EIF4G3: variants seen among roughly 807,000 people sequenced by gnomAD.
EIF4G3 encodes eIF-4-gamma 3.
EIF4G3 carries 34 observed loss-of-function variants against 186.4 expected under a neutral mutation model. The observed-to-expected ratio is 0.18, with a 90% CI of 0.14 to 0.24. The LOEUF (loss-of-function observed/expected upper bound fraction) is 0.24, where lower values mean the gene tolerates loss of function less well. EIF4G3 is among the 10% of genes least tolerant of loss of function. EIF4G3 has a pLI of 1.00. For synonymous variants in EIF4G3, 673 were observed against 679.5 expected (o/e 0.99, Z 0.15); for missense variants, 1,536 against 1,948.5 (o/e 0.79, Z 3.99).
intron 14 of EIF4G3, among the ~76,000 whole-genome samples, chr1:20,908,151 TGAGC>T: frequency 6.6e-6 from 1 of 152,320 alleles, no homozygotes; most frequent in South Asian, 2.1e-4. Context: ...CCAGTGATGA[TGAGC>T]ATTTTTTCAT....
chr1:20,859,766 A>T (rs1432402951), intron 24 of EIF4G3, among the ~76,000 whole-genome samples: 1 of 151,964 alleles, frequency 6.6e-6, no homozygotes, highest in African/African-American at 2.4e-5. Flanking sequence ...TGTCCAGCAA[A>T]TTTTTTAGTA....
intron 14 of EIF4G3, among the ~76,000 whole-genome samples, chr1:20,932,916 T>C (rs1238009413): frequency 1.3e-5 from 2 of 152,138 alleles, no homozygotes; most frequent in African/African-American, 4.8e-5. Flanking sequence ...AAAAAAACCG[T>C]ATCAGTGAAA....
intron 3 of EIF4G3, among the ~76,000 whole-genome samples, chr1:21,062,032 C>T (rs1471518786): frequency 6.6e-6 from 1 of 151,858 alleles, no homozygotes; most frequent in Non-Finnish European, 1.5e-5. Flanking sequence ...CAGGCGTGAG[C>T]CACCGCACCC....
At chr1:21,172,809 A>C (rs910308310) in intron 2 of EIF4G3, among the ~76,000 whole-genome samples, 2 of 149,972 alleles carry the variant, frequency 1.3e-5, no homozygotes, top group Non-Finnish European at 3.0e-5. Flanking sequence ...CGGCCTCCCA[A>C]AGTGCTGGGA....
chr1:20,928,850 C>G (rs2095120294), intron 14 of EIF4G3, among the ~76,000 whole-genome samples: 1 of 152,074 alleles, frequency 6.6e-6, no homozygotes, highest in Non-Finnish European at 1.5e-5. Context: ...TTTCATCACC[C>G]CAGAAAGAAG....
chr1:20,947,601 AAAGGGAG>A (rs779190698), intron 13 of EIF4G3, among the ~76,000 whole-genome samples: 2 of 152,094 alleles, frequency 1.3e-5, no homozygotes, highest in Non-Finnish European at 2.9e-5. Context: ...AAAGAAAGAG[AAAGGGAG>A]AGAGAAAGGG....
At chr1:21,114,488 T>C (rs563718311) in intron 2 of EIF4G3, among the ~76,000 whole-genome samples, 1 of 152,348 alleles carries the variant, frequency 6.6e-6, no homozygotes, top group African/African-American at 2.4e-5. Context: ...AGCACAGTCA[T>C]CTATTTTTGA....
chr1:21,059,399 T>G (rs2094761404), intron 3 of EIF4G3, among the ~76,000 whole-genome samples: 1 of 152,178 alleles, frequency 6.6e-6, no homozygotes, highest in African/African-American at 2.4e-5. Context: ...GTCATTTATT[T>G]CCCCAAATCT....
chr1:20,835,220 C>A (rs2066390596), intron 30 of EIF4G3, among the ~76,000 whole-genome samples: 1 of 152,050 alleles, frequency 6.6e-6, no homozygotes, highest in South Asian at 2.1e-4. Context: ...TTATAGAATG[C>A]AGCAAAAGTG....
At chr1:21,080,070 G>T (rs1334111998) in intron 3 of EIF4G3, among the ~76,000 whole-genome samples, 1 of 151,520 alleles carries the variant, frequency 6.6e-6, no homozygotes. Flanking sequence ...AGAATTCCTT[G>T]AACCCAGGAA....
intron 30 of EIF4G3, among the ~76,000 whole-genome samples, chr1:20,836,932 G>T (rs879697799): frequency 6.6e-6 from 1 of 152,160 alleles, no homozygotes; most frequent in Non-Finnish European, 1.5e-5. Flanking sequence ...CCTAACTAGG[G>T]TCATAAAGTA....
chr1:20,865,401 G>C, intron 20 of EIF4G3, 139 bp from the exon 21 acceptor site: 1 of 828,212 alleles, frequency 1.2e-6, no homozygotes, highest in Non-Finnish European at 1.8e-6. Context: ...TATAGCTTCA[G>C]GCATTTCATG....
intron 3 of EIF4G3, among the ~76,000 whole-genome samples, chr1:21,058,666 A>G (rs2094694946): frequency 6.8e-6 from 1 of 147,946 alleles, no homozygotes; most frequent in African/African-American, 2.5e-5. Context: ...AGCTGGGACT[A>G]CACGTACATG....
chr1:20,933,858 T>C (rs2095425631), intron 14 of EIF4G3, among the ~76,000 whole-genome samples: 1 of 152,208 alleles, frequency 6.6e-6, no homozygotes, highest in African/African-American at 2.4e-5. Context: ...GAGATGACTC[T>C]GCAAGTGGAG....
intron 12 of EIF4G3, among the ~76,000 whole-genome samples, chr1:20,967,298 A>G (rs2074907508): frequency 6.6e-6 from 1 of 152,256 alleles, no homozygotes. Context: ...GCTTGACAGT[A>G]GTAACATTTT....
At chr1:20,893,478 AG>A in intron 18 of EIF4G3, 38 bp downstream of exon 18, 1 of 1,552,100 alleles carries the variant, frequency 6.4e-7, no homozygotes, top group Non-Finnish European at 8.8e-7. Flanking sequence ...AGTCTGTGCC[AG>A]TGTCTAACTA....
chr1:21,035,960 G>A (rs1319440366), intron 4 of EIF4G3, among the ~76,000 whole-genome samples: 2 of 152,188 alleles, frequency 1.3e-5, no homozygotes, highest in Non-Finnish European at 2.9e-5. Context: ...GGCAGAGGAA[G>A]GAGAGACATC....
At position 21,119,609 on chromosome 1, in the gene EIF4G3, G is replaced by A. The variant is rs1031266436; in HGVS notation, c.-271-30396C>T. Among the ~76,000 whole-genome samples the A allele has an allele frequency of 5.3e-5, 8 of 152,258 alleles. No individual in the cohort carries two copies. The Middle Eastern group carries it at 0.01, about 194-fold the overall frequency. On this transcript the variant is annotated intron_variant, in intron 2 of 36. Transcript: ENST00000602326. ...TTGGCAAACAAAAAGTAAATATTAT[G>A]TAATTTGAAAAAGGACAAAGAAACT...
At chr1:21,132,512 A>G (rs1358123987) in intron 2 of EIF4G3, among the ~76,000 whole-genome samples, 1 of 151,744 alleles carries the variant, frequency 6.6e-6, no homozygotes, top group Non-Finnish European at 1.5e-5. Flanking sequence ...GGTGCTCACC[A>G]GAGCCTGGAT....
Sources: allele counts gnomAD v4.1 joint callset (sites outside exome capture counted in the v4.1 genomes callset), GRCh38; gene constraint gnomAD v4.1.1; transcripts MANE v1.5; gene names NCBI Gene and HGNC (gene_info 2026-07-23, HGNC 2026-07-21).